The following RGS3 variants were observed in gnomAD, a reference collection of about 807,000 sequenced individuals.
The protein encoded by RGS3 is regulator of G protein signaling 3.
RGS3 carries 80 observed loss-of-function variants against 132.6 expected under a neutral mutation model. The ratio of observed to expected loss-of-function variants is 0.60; its 90% CI spans 0.50 to 0.73. The LOEUF (loss-of-function observed/expected upper bound fraction) is 0.73, where lower values mean the gene tolerates loss of function less well. RGS3 is among the 30% of genes least tolerant of loss of function. RGS3 has a pLI of 0.00. For synonymous variants in RGS3, 598 were observed against 620.6 expected (o/e 0.96, Z 0.54); for missense variants, 1,382 against 1,530.8 (o/e 0.90, Z 1.62).
intron 6 of RGS3, among the ~76,000 whole-genome samples, 189 bp downstream of exon 4, chr9:113,484,421 T>C (rs1830266103): frequency 6.6e-6 from 1 of 151,348 alleles, no homozygotes; most frequent in South Asian, 2.1e-4. Flanking sequence ...CTTGCATCCC[T>C]GGCACCAGGC....
chr9:113,574,180 C>T lies in RGS3; in HGVS notation c.2038-9270C>T, dbSNP rs571440358. ...TATCTGTTTTGAACACCTCTAGCTT[C>T]ACCTTCCTTACCTCTGCAGCGCTAA... On this transcript the variant is annotated intron_variant, in intron 19 of 24. Coordinates refer to ENST00000350696, the Ensembl canonical transcript of RGS3. 3.3e-5 allele frequency among the ~76,000 whole-genome samples: 5 copies of T among 152,350 alleles called. No homozygotes were observed. In the South Asian group the frequency reaches 1.0e-3, roughly 32 times the overall value.
intron 10 of RGS3, among the ~76,000 whole-genome samples, chr9:113,499,347 A>G (rs1830792878): frequency 6.6e-6 from 1 of 151,776 alleles, no homozygotes; most frequent in African/African-American, 2.4e-5. Context: ...TCCGCATCTC[A>G]CAGATGAGAG....
intron 22 of RGS3, 115 bp downstream of exon 20, chr9:113,594,646 G>A: frequency 2.3e-6 from 2 of 877,492 alleles, no homozygotes; most frequent in Non-Finnish European, 3.5e-6. Context: ...CAGCTCTGGG[G>A]GAGACAGGCT....
At chr9:113,521,713 G>A (rs1384924789) in intron 16 of RGS3, among the ~76,000 whole-genome samples, 1 of 152,180 alleles carries the variant, frequency 6.6e-6, no homozygotes, top group Non-Finnish European at 1.5e-5. Context: ...ATCCTCATAT[G>A]TTCATATTTA....
At chr9:113,583,461 G>A (rs1027922250) in exon 20 of RGS3, 33 of 1,614,030 alleles carry the variant, frequency 2.0e-5, no homozygotes, top group South Asian at 4.4e-5. Flanking sequence ...TGTTTGAGAC[G>A]GAGGCAGATG....
intron 17 of RGS3, among the ~76,000 whole-genome samples, chr9:113,523,277 C>G (rs1201302938): frequency 1.3e-5 from 2 of 152,138 alleles, no homozygotes; most frequent in Non-Finnish European, 2.9e-5. Context: ...TCCAGAGAGG[C>G]TGTGGAGTCG....
At chr9:113,584,386 T>C (rs910162726) in exon 20 of RGS3, 1 of 1,540,368 alleles carries the variant, frequency 6.5e-7, no homozygotes, top group Non-Finnish European at 8.7e-7. Context: ...CAATGGTGGC[T>C]CCATGCACCA....
intron 3 of RGS3, among the ~76,000 whole-genome samples, chr9:113,476,012 A>G (rs1173018890): frequency 1.3e-5 from 2 of 151,468 alleles, no homozygotes; most frequent in African/African-American, 4.9e-5. Context: ...ATCATGGTTC[A>G]CTGTGGGCTC....
rs1832323002 is a variant in RGS3, at chr9:113,528,565, C to T, written c.1871-656C>T. ...ACCTTCCCTCGGCGTTGACATTGGA[C>T]CTTAGCTCCTCTGCTGAAGGAGGCA... On this transcript the variant is annotated intron_variant, in intron 17 of 24. Transcript: ENST00000350696. 3.3e-5 allele frequency among the ~76,000 whole-genome samples: 5 copies of T among 152,320 alleles called. No individual in the cohort carries two copies. In the South Asian group the frequency reaches 1.0e-3, roughly 32 times the overall value.
At chr9:113,469,037 T>C (rs1326939894) in intron 3 of RGS3, among the ~76,000 whole-genome samples, 4 of 147,106 alleles carry the variant, frequency 2.7e-5, no homozygotes, top group Admixed American at 2.0e-4. Context: ...ATTGATTTGC[T>C]CAGCATTTTT....
chr9:113,595,082 C>T (rs993985774), intron 23 of RGS3, 102 bp downstream of exon 21: 10 of 1,124,062 alleles, frequency 8.9e-6, no homozygotes, highest in Non-Finnish European at 1.3e-5. Context: ...CGCCTTCCCT[C>T]TCCTCGGCCG....
At chr9:113,514,407 C>G in intron 14 of RGS3, 51 bp from the exon 13 acceptor site, 4 of 1,537,122 alleles carry the variant, frequency 2.6e-6, no homozygotes, top group Non-Finnish European at 3.6e-6. Flanking sequence ...GAGGGGACAC[C>G]TTTGCAGGAG....
At chr9:113,458,827 C>T (rs1347393050), upstream of RGS3, among the ~76,000 whole-genome samples, 2 of 152,214 alleles carry the variant, frequency 1.3e-5, no homozygotes, top group African/African-American at 4.8e-5. Flanking sequence ...TCTTGGCCCA[C>T]TGCAACCTCT....
At position 113,570,778 on chromosome 9, in the gene RGS3, C is replaced by T. The variant is rs192045798; in HGVS notation, c.2038-12672C>T. On this transcript the variant is annotated intron_variant, in intron 19 of 24. Coordinates refer to ENST00000350696, the Ensembl canonical transcript of RGS3. ...CAGCCTCCTGAGTAGCTGGGATTAC[C>T]GGCGCGTGCCACCATGCCCGGCTAA... Among the ~76,000 whole-genome samples, 656 of 152,072 alleles carry T rather than the reference C, an allele frequency of 4.3e-3. 3 individuals are homozygous for T. Among genetic ancestry groups the T allele is most frequent in the African/African-American group, 0.015 (626 of 41,504 alleles).
At chr9:113,508,638 G>A in intron 14 of RGS3, 58 bp downstream of exon 12, 1 of 1,585,356 alleles carries the variant, frequency 6.3e-7, no homozygotes, top group Non-Finnish European at 8.6e-7. Flanking sequence ...GGGGTCAGCT[G>A]AGGCCTGGCC....
At chr9:113,467,774 T>G (rs1036917972) in intron 3 of RGS3, among the ~76,000 whole-genome samples, 4 of 152,216 alleles carry the variant, frequency 2.6e-5, no homozygotes, top group African/African-American at 9.7e-5. Context: ...GGCATGATCA[T>G]GGCTCCTCTT....
chr9:113,497,547 C>T, intron 9 of RGS3, 143 bp downstream of exon 7: 1 of 673,392 alleles, frequency 1.5e-6, no homozygotes, highest in Non-Finnish European at 2.5e-6. Flanking sequence ...TTCTCAGGAG[C>T]ACTTGCTAGA....
chr9:113,528,807 T>A (rs1184632008), intron 17 of RGS3, among the ~76,000 whole-genome samples: 1 of 152,196 alleles, frequency 6.6e-6, no homozygotes. Flanking sequence ...CCCTATTGAA[T>A]TTCAAAATGG....
chr9:113,587,921 G>C (rs1278618792), intron 20 of RGS3, among the ~76,000 whole-genome samples: 1 of 152,186 alleles, frequency 6.6e-6, no homozygotes, highest in Non-Finnish European at 1.5e-5. Context: ...CTGCCTTCCT[G>C]GCTGCTCCCT....
Sources: allele counts gnomAD v4.1 joint callset (sites outside exome capture counted in the v4.1 genomes callset), GRCh38; gene constraint gnomAD v4.1.1; transcripts MANE v1.5; gene names NCBI Gene and HGNC (gene_info 2026-07-23, HGNC 2026-07-21).